Variants in STK3 observed in about 807,000 individuals in gnomAD.
The protein encoded by STK3 is serine/threonine-protein kinase 3.
Under a neutral mutation model 58.0 loss-of-function variants are expected in STK3, and 41 were observed. The ratio of observed to expected loss-of-function variants is 0.71; its 90% CI spans 0.55 to 0.92. The LOEUF (loss-of-function observed/expected upper bound fraction) is 0.92, where lower values mean the gene tolerates loss of function less well. Ranked by LOEUF, STK3 falls within the 40% of genes least tolerant of loss-of-function variation. The pLI is 0.00. For missense variants in STK3, 479 were observed against 602.7 expected, an observed-to-expected ratio of 0.79 and a Z score of 2.15; for synonymous variants, 170 against 191.0, an observed-to-expected ratio of 0.89 and a Z score of 0.91.
chr8:98,386,162 T>A (rs1817789746), intron 1 of STK3, among the ~76,000 whole-genome samples: 2 of 152,148 alleles, frequency 1.3e-5, no homozygotes, highest in Admixed American at 1.3e-4. Context: ...AATTTATCGA[T>A]ACCTACTAAA....
intron 6 of STK3, among the ~76,000 whole-genome samples, chr8:98,654,463 A>T (rs1436596589): frequency 6.6e-6 from 1 of 152,154 alleles, no homozygotes; most frequent in Non-Finnish European, 1.5e-5. Context: ...TATTCAACAT[A>T]GTGTTGGAAG....
chr8:98,795,814 TACAATACAATAC>T (rs1301653957), intron 1 of STK3, among the ~76,000 whole-genome samples: 2 of 140,644 alleles, frequency 1.4e-5, no homozygotes, highest in African/African-American at 5.7e-5. Context: ...TACAATACAA[TACAATACAATAC>T]AATACAATAC....
chr8:98,649,492 G>T (rs961400911), intron 6 of STK3, among the ~76,000 whole-genome samples: 2 of 152,004 alleles, frequency 1.3e-5, no homozygotes, highest in African/African-American at 4.8e-5. Flanking sequence ...ATTTATTTAG[G>T]TATTGTAAGA....
rs77336314 is a variant in STK3, at chr8:98,834,877, G to A, written c.110+48770C>T. On this transcript the variant is annotated intron_variant, in intron 3 of 12. Transcript: ENST00000523601. ...AGTATAGAGTTTACTCCAGCCCAAA[G>A]CTTGAGAATGACCTTCTGATGAATA... 4.2e-3 allele frequency among the ~76,000 whole-genome samples: 637 copies of A among 152,336 alleles called. 10 individuals are homozygous for A. Among genetic ancestry groups the A allele is most frequent in the African/African-American group, 0.015 (611 of 41,580 alleles).
intron 1 of STK3, among the ~76,000 whole-genome samples, chr8:98,780,178 G>A (rs1361337449): frequency 6.6e-6 from 1 of 151,278 alleles, no homozygotes; most frequent in Non-Finnish European, 1.5e-5. Context: ...ATAATTATAT[G>A]TTATATAAAT....
chr8:98,384,347 C>A (rs1817768582), intron 1 of STK3, among the ~76,000 whole-genome samples: 2 of 152,254 alleles, frequency 1.3e-5, no homozygotes, highest in African/African-American at 4.8e-5. Context: ...TCCCAGCCTG[C>A]TTCCACTTTG....
chr8:98,565,033 A>G (rs1812363118), intron 8 of STK3, among the ~76,000 whole-genome samples: 1 of 152,182 alleles, frequency 6.6e-6, no homozygotes, highest in Non-Finnish European at 1.5e-5. Flanking sequence ...ACCTAAAACT[A>G]TTCAAAAATA....
intron 10 of STK3, among the ~76,000 whole-genome samples, chr8:98,463,445 C>G (rs1172111472): frequency 6.6e-6 from 1 of 151,196 alleles, no homozygotes; most frequent in African/African-American, 2.4e-5. Context: ...TTGTATAAAA[C>G]AGGAGCATAA....
intron 3 of STK3, chr8:98,432,913 T>C (rs1387922782): frequency 1.8e-5 from 3 of 162,280 alleles, no homozygotes; most frequent in Non-Finnish European, 4.4e-5. Flanking sequence ...GCAGTAATAC[T>C]GACACACTCG....
At chr8:98,818,467 AG>A (rs1834687431) in intron 1 of STK3, among the ~76,000 whole-genome samples, 1 of 152,230 alleles carries the variant, frequency 6.6e-6, no homozygotes, top group Non-Finnish European at 1.5e-5. Context: ...AACACAACAG[AG>A]AACAGGAGAC....
At chr8:98,516,458 T>C (rs1304480438) in intron 10 of STK3, among the ~76,000 whole-genome samples, 1 of 152,048 alleles carries the variant, frequency 6.6e-6, no homozygotes, top group Non-Finnish European at 1.5e-5. Context: ...TGAAGAATAT[T>C]TTTTCTAGAA....
intron 3 of STK3, among the ~76,000 whole-genome samples, chr8:98,419,829 C>T (rs1406120621): frequency 6.6e-6 from 1 of 152,162 alleles, no homozygotes; most frequent in Non-Finnish European, 1.5e-5. Flanking sequence ...GTGAAGTCTG[C>T]CACTTTCAGA....
rs762571045 is a variant in STK3, at chr8:98,707,144, T to TA, written c.516+2dup. The TA allele has an allele frequency of 1.9e-5, 31 of 1,598,038 alleles. No individual in the cohort carries two copies. The highest frequency in any genetic ancestry group is 2.6e-5 in the Non-Finnish European group (31 of 1,176,018). Reference sequence around the variant, plus strand: ...GTTTAGAAAACCATTAAAGTTAACTTACTGTTAACTGACCAGCCACTCCAA... The same window carrying TA: ...GTTTAGAAAACCATTAAAGTTAACTTAACTGTTAACTGACCAGCCACTCCAA... On this transcript the variant is annotated splice_region_variant and intron_variant, in intron 5 of 10. Coordinates refer to ENST00000419617, the MANE Select transcript of STK3 (RefSeq NM_006281.4).
chr8:98,773,416 T>A (rs900555122), intron 2 of STK3, among the ~76,000 whole-genome samples: 1 of 152,184 alleles, frequency 6.6e-6, no homozygotes, highest in African/African-American at 2.4e-5. Context: ...TTGCTACTAT[T>A]ACTTTCTGTT....
chr8:98,654,787 G>T (rs1481732697), intron 6 of STK3, among the ~76,000 whole-genome samples: 6 of 152,144 alleles, frequency 3.9e-5, no homozygotes, highest in African/African-American at 1.4e-4. Context: ...GGGACGTGAA[G>T]GACCTCTTCA....
rs1586586097 is a variant in STK3, at chr8:98,447,920, C to T, written n.186-10712G>A. Among the ~76,000 whole-genome samples, 6 of 146,750 alleles carry T rather than the reference C, an allele frequency of 4.1e-5. No homozygotes were observed. The South Asian group carries it at 6.4e-4, about 16-fold the overall frequency. Reference sequence around the variant, plus strand: ...ATTAAGAACTTTGTATGTAACTAACCTGCACATTGTGCACATGTACCCTAA... The same window carrying T: ...ATTAAGAACTTTGTATGTAACTAACTTGCACATTGTGCACATGTACCCTAA... On this transcript the variant is annotated intron_variant and non_coding_transcript_variant, in intron 1 of 3. Transcript: ENST00000517832.
intron 6 of STK3, among the ~76,000 whole-genome samples, chr8:98,701,095 G>C (rs1387424892): frequency 6.6e-6 from 1 of 151,786 alleles, no homozygotes; most frequent in Admixed American, 6.6e-5. Flanking sequence ...CTTGAGCCTG[G>C]GAGGTTGAGG....
chr8:98,546,502 A>T (rs1336313427), intron 9 of STK3, among the ~76,000 whole-genome samples: 1 of 152,168 alleles, frequency 6.6e-6, no homozygotes. Context: ...GATCTAATTG[A>T]TCTGTTAAGA....
intron 7 of STK3, among the ~76,000 whole-genome samples, chr8:98,589,281 G>A (rs1248466389): frequency 6.6e-6 from 1 of 152,136 alleles, no homozygotes; most frequent in Admixed American, 6.5e-5. Flanking sequence ...TTTTTGGTGT[G>A]GATGTCCTTT....
Sources: allele counts gnomAD v4.1 joint callset (sites outside exome capture counted in the v4.1 genomes callset), GRCh38; gene constraint gnomAD v4.1.1; transcripts MANE v1.5; gene names NCBI Gene and HGNC (gene_info 2026-07-23, HGNC 2026-07-21).